SLC30A8: variants seen among roughly 807,000 people sequenced by gnomAD.
SLC30A8 encodes solute carrier family 30 member 8, also known as proton-coupled zinc antiporter SLC30A8.
Under a neutral mutation model 36.9 loss-of-function variants are expected in SLC30A8, and 27 were observed. The observed-to-expected ratio is 0.73, with a 90% confidence interval of 0.54 to 1.01. The LOEUF is 1.01. Among genes scored for constraint, SLC30A8 ranks in the 50% least tolerant of loss-of-function variants. SLC30A8 has a pLI of 0.00. For missense variants in SLC30A8, 439 were observed against 452.0 expected, an observed-to-expected ratio of 0.97 and a Z score of 0.26; for synonymous variants, 164 against 172.4, an observed-to-expected ratio of 0.95 and a Z score of 0.38.
Position 117,031,274 on chromosome 8 carries a change from G to A in SLC30A8, c.-265-7945G>A, listed in dbSNP as rs971882471. Among the ~76,000 whole-genome samples, 5 of 152,116 alleles carry A rather than the reference G, an allele frequency of 3.3e-5. No individual in the cohort carries two copies. The East Asian group carries it at 5.8e-4, about 18-fold the overall frequency. On this transcript the variant is annotated intron_variant, in intron 1 of 10. Coordinates refer to the SLC30A8 transcript ENST00000427715. ...CCTACAAGATAGATGTTGCCATTAG[G>A]CCATTTTGCTGGTAAGAAAACTGTT...
At chr8:117,150,971 C>T (rs772068694) in intron 2 of SLC30A8, among the ~76,000 whole-genome samples, 4 of 151,300 alleles carry the variant, frequency 2.6e-5, no homozygotes, top group Admixed American at 6.6e-5. Flanking sequence ...AAGTAGATCT[C>T]CTTAGCCATA....
At chr8:117,036,083 C>A (rs540074338) in intron 1 of SLC30A8, among the ~76,000 whole-genome samples, 1 of 151,488 alleles carries the variant, frequency 6.6e-6, no homozygotes, top group Non-Finnish European at 1.5e-5. Context: ...TCTTTACTTA[C>A]GCAACTTTCT....
intron 2 of SLC30A8, among the ~76,000 whole-genome samples, chr8:117,152,283 G>GGAA (rs1373334888): frequency 6.6e-6 from 1 of 152,124 alleles, no homozygotes; most frequent in Non-Finnish European, 1.5e-5. Flanking sequence ...AGGATTAGAG[G>GGAA]GAAGTAGAGG....
intron 2 of SLC30A8, among the ~76,000 whole-genome samples, chr8:117,110,305 G>A (rs955950303): frequency 4.0e-5 from 6 of 151,896 alleles, no homozygotes; most frequent in African/African-American, 9.7e-5. Flanking sequence ...GTCTAACATC[G>A]TGCTTTCTGT....
intron 2 of SLC30A8, among the ~76,000 whole-genome samples, chr8:117,074,506 A>G (rs576778798): frequency 6.6e-6 from 1 of 152,324 alleles, no homozygotes; most frequent in Non-Finnish European, 1.5e-5. Context: ...ACAGATGTAT[A>G]GAATCGTTAT....
At chr8:116,971,974 C>T (rs1209712499) in intron 1 of SLC30A8, among the ~76,000 whole-genome samples, 1 of 152,014 alleles carries the variant, frequency 6.6e-6, no homozygotes, top group African/African-American at 2.4e-5. Flanking sequence ...GATATATATA[C>T]TAATAAATGT....
At chr8:117,087,958 G>GGA (rs1457966687) in intron 2 of SLC30A8, among the ~76,000 whole-genome samples, 1 of 151,950 alleles carries the variant, frequency 6.6e-6, no homozygotes, top group African/African-American at 2.4e-5. Flanking sequence ...AGGCGGTGGG[G>GGA]GAGAGAGAGA....
At chr8:117,066,384 G>A (rs1818171436) in intron 2 of SLC30A8, among the ~76,000 whole-genome samples, 1 of 152,170 alleles carries the variant, frequency 6.6e-6, no homozygotes, top group Admixed American at 6.5e-5. Context: ...AGAAGTGGTG[G>A]AAACAGCTTC....
intron 2 of SLC30A8, among the ~76,000 whole-genome samples, chr8:117,123,335 A>C (rs1670947023): frequency 6.6e-6 from 1 of 152,036 alleles, no homozygotes; most frequent in African/African-American, 2.4e-5. Context: ...GATTTTATGC[A>C]GTGCATAAAC....
intron 2 of SLC30A8, among the ~76,000 whole-genome samples, chr8:117,122,598 G>C (rs1285400621): frequency 1.3e-5 from 2 of 151,954 alleles, no homozygotes; most frequent in Non-Finnish European, 2.9e-5. Flanking sequence ...TCTGAGTACT[G>C]ACATCTACTG....
At chr8:117,048,716 G>A (rs1351026252) in intron 2 of SLC30A8, among the ~76,000 whole-genome samples, 1 of 152,192 alleles carries the variant, frequency 6.6e-6, no homozygotes, top group Non-Finnish European at 1.5e-5. Context: ...GCCTGCAGAA[G>A]TGCCTGGCAT....
intron 1 of SLC30A8, among the ~76,000 whole-genome samples, chr8:116,985,699 G>A (rs1815420857): frequency 6.6e-6 from 1 of 152,060 alleles, no homozygotes; most frequent in Non-Finnish European, 1.5e-5. Flanking sequence ...AACAATGCAT[G>A]AAAGTACCAA....
intron 2 of SLC30A8, among the ~76,000 whole-genome samples, chr8:117,105,632 A>T (rs1412736170): frequency 1.3e-5 from 2 of 152,132 alleles, no homozygotes; most frequent in Non-Finnish European, 2.9e-5. Flanking sequence ...TGCAGTTTTG[A>T]GGTCAAATTT....
chr8:116,957,812 C>A (rs1438528975), intron 1 of SLC30A8, among the ~76,000 whole-genome samples: 1 of 152,116 alleles, frequency 6.6e-6, no homozygotes, highest in African/African-American at 2.4e-5. Flanking sequence ...TATTTATTCC[C>A]ATCAGAAAAC....
intron 2 of SLC30A8, among the ~76,000 whole-genome samples, chr8:117,042,386 C>T (rs545756032): frequency 2.0e-5 from 3 of 152,298 alleles, no homozygotes; most frequent in Admixed American, 2.0e-4. Context: ...GTTGAATGCT[C>T]AGGAAATGGA....
At position 117,171,024 on chromosome 8, in the gene SLC30A8, C is replaced by T; in HGVS notation, c.830-10C>T. The T allele has an allele frequency of 6.3e-7, 1 of 1,577,308 alleles. No homozygotes were observed. On this transcript the variant is annotated splice_polypyrimidine_tract_variant and intron_variant, in intron 6 of 7. Coordinates refer to ENST00000456015, the MANE Select transcript of SLC30A8 (RefSeq NM_173851.3). ...AATAACTACAGCCTCCATCTCTTCC[C>T]TTTTGTCAGGTGTGCCAAAGAGCCT...
intron 1 of SLC30A8, among the ~76,000 whole-genome samples, chr8:116,966,152 G>C (rs1210383410): frequency 6.6e-6 from 1 of 152,070 alleles, no homozygotes; most frequent in Non-Finnish European, 1.5e-5. Flanking sequence ...CCAAAGTGCT[G>C]GGATTACATT....
At chr8:117,059,140 T>C (rs549732045) in intron 2 of SLC30A8, among the ~76,000 whole-genome samples, 4 of 152,312 alleles carry the variant, frequency 2.6e-5, no homozygotes, top group African/African-American at 9.6e-5. Context: ...AACTTATTCC[T>C]AAATAGTTTG....
At chr8:117,024,134 A>G (rs968159453) in intron 1 of SLC30A8, among the ~76,000 whole-genome samples, 2 of 152,172 alleles carry the variant, frequency 1.3e-5, no homozygotes, top group Admixed American at 6.5e-5. Flanking sequence ...TGTTGGATAG[A>G]TATTGTTTAT....
Sources: gnomAD v4.1 joint callset for allele counts (sites outside exome capture counted in the v4.1 genomes callset) on GRCh38, gnomAD v4.1.1 for gene constraint, MANE v1.5 for transcripts, NCBI Gene and HGNC (gene_info 2026-07-23, HGNC 2026-07-21) for gene names.